Variants in RAB8A observed in about 807,000 individuals in gnomAD.
The protein encoded by RAB8A is RAB8A, member RAS oncogene family, also known as ras-related protein Rab-8A.
A neutral mutation model predicts 29.2 loss-of-function variants in RAB8A; 5 were observed. The ratio of observed to expected loss-of-function variants is 0.17; its 90% CI spans 0.09 to 0.36. RAB8A has a LOEUF of 0.36. RAB8A is among the 10% of genes least tolerant of loss of function. The pLI is 1.00. For synonymous variants in RAB8A, 108 were observed against 99.9 expected (o/e 1.08, Z -0.49); for missense variants, 171 against 272.2 (o/e 0.63, Z 2.62).
rs1041931557 is a variant in RAB8A at position 16,132,892 on chromosome 19, A to G, written c.*588A>G. 1 of 154,166 alleles carries G rather than the reference A, an allele frequency of 6.5e-6. No homozygotes were observed. The highest frequency in any genetic ancestry group is 2.4e-5 in the African/African-American group (1 of 41,450). The allele number at this position is 154,166 out of a possible 1,614,324, so 9.5% of individuals were successfully genotyped here. A position where few individuals can be genotyped will look rare whatever the true frequency, so the allele number is the denominator to read the frequency against. ...CTCTTCTTTTTTAACTGTTAAACCAAAGGAAAGCACAAATGAAGGAAATCC... is the reference window on the plus strand; with the variant it reads ...CTCTTCTTTTTTAACTGTTAAACCAGAGGAAAGCACAAATGAAGGAAATCC... On this transcript the variant is annotated 3_prime_UTR_variant, in exon 8 of 8. Transcript: ENST00000300935. The surrounding 1 kb of genome is among the most constrained non-coding windows in gnomAD (Gnocchi z 5.6).
chr19:16,116,334 G>T lies in RAB8A; in HGVS notation c.125-1892G>T, dbSNP rs190371353. Among the ~76,000 whole-genome samples the T allele has an allele frequency of 1.0e-3, 156 of 152,284 alleles. No homozygotes were observed. In the Middle Eastern group the frequency reaches 0.014, roughly 13 times the overall value. Reference sequence around the variant, plus strand: ...GGCAGGACCTTGACACACATGAGCAGCTGTTTCCACTTTATTCGAGGGAAG... The same window carrying T: ...GGCAGGACCTTGACACACATGAGCATCTGTTTCCACTTTATTCGAGGGAAG... On this transcript the variant is annotated intron_variant, in intron 1 of 7. Coordinates refer to ENST00000300935, the MANE Select transcript of RAB8A (RefSeq NM_005370.5).
chr19:16,114,196 G>C (rs1320452251), intron 1 of RAB8A, among the ~76,000 whole-genome samples: 1 of 152,050 alleles, frequency 6.6e-6, no homozygotes, highest in East Asian at 1.9e-4. Context: ...TTGAGCCCAG[G>C]AGGTCAAGGT....
At chr19:16,114,486 C>T (rs1293370964) in intron 1 of RAB8A, among the ~76,000 whole-genome samples, 1 of 150,404 alleles carries the variant, frequency 6.6e-6, no homozygotes, top group African/African-American at 2.4e-5. Context: ...CAGCGATTCT[C>T]CTGTCTCAGC....
intron 7 of RAB8A, among the ~76,000 whole-genome samples, chr19:16,131,762 T>G (rs770665625): frequency 2.0e-5 from 3 of 150,158 alleles, no homozygotes; most frequent in Non-Finnish European, 4.4e-5. Flanking sequence ...GGATGGTTGG[T>G]TGATTGGTTT....
rs1172151347 is a variant in RAB8A at position 16,127,918 on chromosome 19, T to G, written c.415-108T>G. Reference sequence around the variant, plus strand: ...GAAGTCACGCCCACAGCCCCAGCCCTGTTGCTGCTCCCTCTTGGCGCCGGC... The same window carrying G: ...GAAGTCACGCCCACAGCCCCAGCCCGGTTGCTGCTCCCTCTTGGCGCCGGC... On this transcript the variant is annotated intron_variant, in intron 5 of 7. Transcript: ENST00000300935. The surrounding 1 kb of genome is among the most constrained non-coding windows in gnomAD (Gnocchi z 4.8). The G allele has an allele frequency of 2.7e-6, 3 of 1,128,734 alleles. No homozygotes were observed. The African/African-American group carries it at 4.6e-5, about 17-fold the overall frequency. The allele number at this position is 1,128,734 out of a possible 1,614,324, so 69.9% of individuals were successfully genotyped here.
chr19:16,128,532 G>A (rs2090911891), intron 6 of RAB8A, among the ~76,000 whole-genome samples: 1 of 152,172 alleles, frequency 6.6e-6, no homozygotes, highest in Admixed American at 6.5e-5. Context: ...GGCGACCCCA[G>A]CCCTGCGGCC....
At chr19:16,117,932 C>T (rs909885014) in intron 1 of RAB8A, among the ~76,000 whole-genome samples, 3 of 152,094 alleles carry the variant, frequency 2.0e-5, no homozygotes, top group Non-Finnish European at 4.4e-5. Context: ...AGACCCACTC[C>T]GTACAACTGC....
intron 6 of RAB8A, among the ~76,000 whole-genome samples, chr19:16,129,020 C>G (rs1298631320): frequency 2.0e-5 from 3 of 152,144 alleles, no homozygotes; most frequent in Non-Finnish European, 4.4e-5. Context: ...TGAACCTGCT[C>G]CCGCTCCCAG....
In RAB8A at chr19:16,133,649, C is replaced by T. The variant is rs759740705; in HGVS notation, c.*1345C>T. Reference sequence around the variant, plus strand: ...CTTAAAGTCCAAGGATTTTTATGTCCACATTTTCCCTGTAGGCCACACGGA... The same window carrying T: ...CTTAAAGTCCAAGGATTTTTATGTCTACATTTTCCCTGTAGGCCACACGGA... On this transcript the variant is annotated 3_prime_UTR_variant, in exon 8 of 8. Transcript: ENST00000300935. 5.2e-5 allele frequency: 8 copies of T among 152,684 alleles called. No homozygotes were observed. The highest frequency in any genetic ancestry group is 1.0e-4 in the Non-Finnish European group (7 of 68,086). The allele number at this position is 152,684 out of a possible 1,614,324, so 9.5% of individuals were successfully genotyped here.
At chr19:16,120,568 C>T (rs1379200801) in intron 2 of RAB8A, among the ~76,000 whole-genome samples, 3 of 151,382 alleles carry the variant, frequency 2.0e-5, no homozygotes, top group Non-Finnish European at 4.4e-5. Flanking sequence ...GCCTCAGCCT[C>T]CCAAAGTGCT....
Position 16,128,036 on chromosome 19 carries a change from A to T in RAB8A, c.425A>T (p.Asp142Val). The change falls in exon 6 of 8, where the codon GAC (aspartate) becomes GTC (valine). Residue 142 changes from aspartate (D) to valine (V), a missense_variant. Physicochemically the swap from Asp to Val is radical, Grantham distance 152 (BLOSUM62 -3). Transcript: ENST00000300935. ...CTCCCTCTCTCACAGCTGGCCCTCG[A>T]CTATGGAATCAAGTTCATGGAGACC... The part of the protein sequence containing the change: ...SKERGEKLAL[D>V]YGIKFMETSA... 6.2e-7 allele frequency: 1 copy of T among 1,614,144 alleles called. No individual in the cohort carries two copies. The highest frequency in any genetic ancestry group is 8.5e-7 in the Non-Finnish European group (1 of 1,180,000).
At chr19:16,115,592 C>T (rs918932374) in intron 1 of RAB8A, among the ~76,000 whole-genome samples, 3 of 152,168 alleles carry the variant, frequency 2.0e-5, no homozygotes, top group Admixed American at 2.0e-4. Context: ...CTCAACACCG[C>T]GTAGACCCTG....
chr19:16,125,604 C>G lies in RAB8A; in HGVS notation c.324+57C>G, dbSNP rs1311370473. 1.3e-6 allele frequency: 2 copies of G among 1,522,766 alleles called. No homozygotes were observed. Among genetic ancestry groups the G allele is most frequent in the South Asian group, 2.3e-5 (2 of 86,912 alleles). The allele number at this position is 1,522,766 out of a possible 1,614,324, so 94.3% of individuals were successfully genotyped here. Reference sequence around the variant, plus strand: ...GCTTCAGTCCTTGTCCCAGAGCCCTCTGGTTTACTCATGAGAAGGCCAAGG... The same window carrying G: ...GCTTCAGTCCTTGTCCCAGAGCCCTGTGGTTTACTCATGAGAAGGCCAAGG... On this transcript the variant is annotated intron_variant, in intron 4 of 7. Transcript: ENST00000300935. This position sits in a 1 kb window ranked among gnomAD's most constrained non-coding sequence, Gnocchi z 5.0.
rs1331480966 is a variant in RAB8A at position 16,133,599 on chromosome 19, G to A, written c.*1295G>A. The A allele has an allele frequency of 1.3e-5, 2 of 152,518 alleles. No individual in the cohort carries two copies. Among genetic ancestry groups the A allele is most frequent in the Non-Finnish European group, 2.9e-5 (2 of 68,040 alleles). 9.4% of individuals were successfully genotyped at this position (152,518 alleles called of 1,614,324 possible). A position where few individuals can be genotyped will look rare whatever the true frequency, so the allele number is the denominator to read the frequency against. ...TGTTTACATCGATAAATGCACTTAA[G>A]GAAAACAAACAAATTAAAGCTCATC... On this transcript the variant is annotated 3_prime_UTR_variant, in exon 8 of 8. Coordinates refer to ENST00000300935, the MANE Select transcript of RAB8A (RefSeq NM_005370.5).
rs551303977 is a variant in RAB8A, at chr19:16,125,008, C to A, written c.247-462C>A. On this transcript the variant is annotated intron_variant, in intron 3 of 7. Transcript: ENST00000300935. The surrounding 1 kb of genome is among the most constrained non-coding windows in gnomAD (Gnocchi z 5.0). ...GGATGTCGGGTCAGGACTTCCTGGG[C>A]TCAGTTGTGCCTGGTAGGTGGCTCA... 58 of 189,426 alleles carry A rather than the reference C, an allele frequency of 3.1e-4. 1 individual carries two copies. In the East Asian group the frequency reaches 7.0e-3, roughly 23 times the overall value. The allele number at this position is 189,426 out of a possible 1,614,324, so 11.7% of individuals were successfully genotyped here.
chr19:16,123,373 C>T (rs181573941), intron 3 of RAB8A, among the ~76,000 whole-genome samples: 11 of 152,232 alleles, frequency 7.2e-5, no homozygotes, highest in Admixed American at 7.2e-4. Flanking sequence ...TTTGGGAGGC[C>T]GAGGTGGGTA....
chr19:16,125,571 C>T lies in RAB8A; in HGVS notation c.324+24C>T. 4.4e-6 allele frequency: 7 copies of T among 1,595,446 alleles called. No homozygotes were observed. Among genetic ancestry groups the T allele is most frequent in the Non-Finnish European group, 6.0e-6 (7 of 1,164,134 alleles). On this transcript the variant is annotated intron_variant, in intron 4 of 7. Coordinates refer to ENST00000300935, the MANE Select transcript of RAB8A (RefSeq NM_005370.5). This position sits in a 1 kb window ranked among gnomAD's most constrained non-coding sequence, Gnocchi z 5.0. ...AGGTGAGGCCCTCCGGCTCCTCCCA[C>T]TGTCCCTGCTTCAGTCCTTGTCCCA...
Position 16,127,395 on chromosome 19 carries a change from T to C in RAB8A, c.325-42T>C, listed in dbSNP as rs779929062. 9.6e-5 allele frequency: 129 copies of C among 1,338,802 alleles called. No homozygotes were observed. The highest frequency in any genetic ancestry group is 1.3e-4 in the Non-Finnish European group (128 of 1,008,964). The allele number at this position is 1,338,802 out of a possible 1,614,324, so 82.9% of individuals were successfully genotyped here. A position where few individuals can be genotyped will look rare whatever the true frequency, so the allele number is the denominator to read the frequency against. Reference sequence around the variant, plus strand: ...TGTGTTGGCAGAGGCACCTGGCCTGTGTCATCCGGTCTGATCCCCCGTCTG... The same window carrying C: ...TGTGTTGGCAGAGGCACCTGGCCTGCGTCATCCGGTCTGATCCCCCGTCTG... On this transcript the variant is annotated intron_variant, in intron 4 of 7. Transcript: ENST00000300935. This position sits in a 1 kb window ranked among gnomAD's most constrained non-coding sequence, Gnocchi z 4.8.
At position 16,132,196 on chromosome 19, in the gene RAB8A, C is replaced by T. The variant is rs1272202780; in HGVS notation, c.532-16C>T. On this transcript the variant is annotated splice_polypyrimidine_tract_variant and intron_variant, in intron 7 of 7. Transcript: ENST00000300935. The surrounding 1 kb of genome is among the most constrained non-coding windows in gnomAD (Gnocchi z 5.6). ...GATTCTCAGTGATAACCTCAGAAAA[C>T]CTCTTGTGATTTCAGGAAGGCAACA... 1 of 1,594,196 alleles carries T rather than the reference C, an allele frequency of 6.3e-7. No homozygotes were observed.
Sources: gnomAD v4.1 joint callset for allele counts (sites outside exome capture counted in the v4.1 genomes callset) on GRCh38, gnomAD v4.1.1 for gene constraint, Gnocchi (gnomAD v3.1) non-coding constraint, MANE v1.5 for transcripts, NCBI Gene and HGNC (gene_info 2026-07-23, HGNC 2026-07-21) for gene names.